Variants in GAB3 observed in about 807,000 individuals in gnomAD.
The protein encoded by GAB3 is GRB2 associated binding protein 3.
A neutral mutation model predicts 40.4 loss-of-function variants in GAB3; 12 were observed. The ratio of observed to expected loss-of-function variants is 0.30; its 90% confidence interval spans 0.19 to 0.48. The LOEUF (loss-of-function observed/expected upper bound fraction) is 0.48, where lower values mean the gene tolerates loss of function less well. GAB3 is among the 20% of genes least tolerant of loss of function. The probability of loss-of-function intolerance (pLI) is 0.99; values close to 1 mark genes in which losing one functional copy is unlikely to be tolerated. For missense variants in GAB3, 381 were observed against 461.9 expected, an observed-to-expected ratio of 0.82 and a Z score of 1.61; for synonymous variants, 154 against 176.7, an observed-to-expected ratio of 0.87 and a Z score of 1.02.
intron 1 of GAB3, among the ~76,000 whole-genome samples, chrX:154,749,612 C>G (rs1311651801): frequency 2.7e-5 from 3 of 112,741 alleles, no homozygotes; most frequent in Non-Finnish European, 5.6e-5. Flanking sequence ...TAGGGACACA[C>G]TGGCACTTAG....
chrX:154,690,005 G>A (rs1467770445), intron 8 of GAB3, among the ~76,000 whole-genome samples: 1 of 110,935 alleles, frequency 9.0e-6, no homozygotes, highest in Non-Finnish European at 1.9e-5. Flanking sequence ...CACACTACCT[G>A]ACTTCAAACT....
chrX:154,735,472 T>C (rs782641006), intron 1 of GAB3, among the ~76,000 whole-genome samples: 2 of 112,084 alleles, frequency 1.8e-5, no homozygotes, highest in South Asian at 3.7e-4. Context: ...ATGGGGGTAG[T>C]TGGGGCTTTC....
intron 7 of GAB3, 65 bp downstream of exon 7, chrX:154,697,067 T>C (rs1269872079): frequency 5.4e-6 from 5 of 921,887 alleles, no homozygotes; most frequent in Non-Finnish European, 7.8e-6. Context: ...CTACATTTAA[T>C]CAGAGGCCTA....
chrX:154,686,203 C>A (rs1332275923), intron 8 of GAB3, among the ~76,000 whole-genome samples: 1 of 111,361 alleles, frequency 9.0e-6, no homozygotes, highest in Non-Finnish European at 1.9e-5. Context: ...CCATTAGGAA[C>A]ACAGACATGA....
intron 8 of GAB3, among the ~76,000 whole-genome samples, chrX:154,690,447 C>T (rs1206543243): frequency 8.9e-6 from 1 of 111,756 alleles, no homozygotes; most frequent in Admixed American, 9.5e-5. Flanking sequence ...AGCTTCTGCA[C>T]AGCAAAAGAA....
At chrX:154,688,801 G>C (rs958775787) in intron 8 of GAB3, among the ~76,000 whole-genome samples, 2 of 111,376 alleles carry the variant, frequency 1.8e-5, no homozygotes, top group South Asian at 7.5e-4. Flanking sequence ...TCCATCAGAA[G>C]GTAGAAAATT....
chrX:154,717,891 C>T (rs1469554672), intron 1 of GAB3, among the ~76,000 whole-genome samples: 1 of 111,904 alleles, frequency 8.9e-6, no homozygotes, highest in African/African-American at 3.3e-5. Flanking sequence ...GCATGGATAG[C>T]GTATCCTTAC....
intron 8 of GAB3, among the ~76,000 whole-genome samples, chrX:154,694,579 G>C (rs1488022935): frequency 1.8e-5 from 2 of 111,177 alleles, no homozygotes; most frequent in Non-Finnish European, 3.8e-5. Context: ...ATTTTTAGTA[G>C]AGAAGGGGTT....
intron 8 of GAB3, among the ~76,000 whole-genome samples, chrX:154,693,152 T>C (rs1216576138): frequency 9.8e-5 from 11 of 111,760 alleles, no homozygotes; most frequent in African/African-American, 3.6e-4. Flanking sequence ...GGATGAATCT[T>C]GAAAACACTA....
chrX:154,702,641 GA>G (rs1433907954), intron 4 of GAB3, among the ~76,000 whole-genome samples: 1 of 111,887 alleles, frequency 8.9e-6, no homozygotes, highest in Non-Finnish European at 1.9e-5. Flanking sequence ...CACAGAATGG[GA>G]GAAAATATTT....
chrX:154,736,078 A>G (rs2071360850), intron 1 of GAB3, among the ~76,000 whole-genome samples: 1 of 112,419 alleles, frequency 8.9e-6, no homozygotes, highest in Admixed American at 9.3e-5. Flanking sequence ...AAGCCCCCCA[A>G]AGTGGGGGAA....
rs2071595987 is a variant in GAB3 at position 154,750,466 on chromosome X, T to C, written c.72+488A>G. Among the ~76,000 whole-genome samples, 5 of 112,161 alleles carry C rather than the reference T, an allele frequency of 4.5e-5. No homozygotes were observed. The Admixed American group carries it at 4.7e-4, about 10-fold the overall frequency. On this transcript the variant is annotated intron_variant, in intron 1 of 9. Transcript: ENST00000424127. The stretch of plus-strand genomic sequence containing the variant: ...CACTGTGTAGGGTTCCAGACAGCAG[T>C]GTCCGATGACAGCTACAAGAGCAGC...
intron 8 of GAB3, among the ~76,000 whole-genome samples, chrX:154,683,949 G>T (rs7886842): frequency 9.0e-6 from 1 of 111,262 alleles, no homozygotes; most frequent in Non-Finnish European, 1.9e-5. Flanking sequence ...TTTTGTGGCT[G>T]CATAATACAA....
chrX:154,748,411 G>A (rs1182449750), intron 1 of GAB3, among the ~76,000 whole-genome samples: 2 of 111,833 alleles, frequency 1.8e-5, no homozygotes, highest in Admixed American at 9.4e-5. Context: ...GGAAGGTAGC[G>A]GGGTAGGGGA....
At position 154,713,289 on chromosome X, in the gene GAB3, T is replaced by G; in HGVS notation, c.514A>C (p.Thr172Pro). ...AAGAGAAGCTCTGACTCACTTCTGG[T>G]TTCCTCAGTGGCTACGGCATTAGTG... ...PNTNAVATEETRSESELLFLP... is the reference protein window; with the variant it reads ...PNTNAVATEEPRSESELLFLP... The change falls in exon 3 of 10, where the codon ACC (threonine) becomes CCC (proline). Residue 172 changes from threonine to proline, a missense_variant. This residue lies in a region of GAB3 where 364 missense variants were observed against 421.0 expected (regional missense o/e 0.86). Transcript: ENST00000424127. 1 of 1,210,527 alleles carries G rather than the reference T, an allele frequency of 8.3e-7. No individual in the cohort carries two copies. Among genetic ancestry groups the G allele is most frequent in the East Asian group, 3.0e-5 (1 of 33,814 alleles).
intron 1 of GAB3, among the ~76,000 whole-genome samples, chrX:154,727,344 C>G (rs2071227580): frequency 8.9e-6 from 1 of 112,557 alleles, no homozygotes; most frequent in African/African-American, 3.2e-5. Flanking sequence ...GTTATTGACA[C>G]CTGAACTTAA....
At position 154,749,364 on chromosome X, in the gene GAB3, AG is replaced by A. The variant is rs781785395; in HGVS notation, c.72+1589del. 6.2e-5 allele frequency among the ~76,000 whole-genome samples: 7 copies of A among 113,059 alleles called. No individual in the cohort carries two copies. In the East Asian group the frequency reaches 1.9e-3, roughly 31 times the overall value. On this transcript the variant is annotated intron_variant, in intron 1 of 9. Transcript: ENST00000424127. ...TCTGTATCATCTACTGAAATTGTAT[AG>A]TGAACCTTTAAAATGTCTGTCATTC...
intron 8 of GAB3, among the ~76,000 whole-genome samples, chrX:154,693,047 T>C (rs1462784605): frequency 1.8e-5 from 2 of 111,697 alleles, no homozygotes; most frequent in Non-Finnish European, 3.8e-5. Flanking sequence ...TAGACAATGG[T>C]AGGAACAACC....
chrX:154,688,116 C>T (rs995220120), intron 8 of GAB3, among the ~76,000 whole-genome samples: 1 of 111,829 alleles, frequency 8.9e-6, no homozygotes, highest in Non-Finnish European at 1.9e-5. Flanking sequence ...AGTTCTTAGA[C>T]ATAACAATCC....
Sources: allele counts gnomAD v4.1 joint callset (sites outside exome capture counted in the v4.1 genomes callset), GRCh38; gene constraint gnomAD v4.1.1; regional missense constraint gnomAD v4.1.1; transcripts MANE v1.5; gene names NCBI Gene and HGNC (gene_info 2026-07-23, HGNC 2026-07-21).